The following ADGRL2 variants were observed in gnomAD, a reference collection of about 807,000 sequenced individuals.
ADGRL2 encodes adhesion G protein-coupled receptor L2, also known as calcium-independent alpha-latrotoxin receptor 2.
Under a neutral mutation model 157.4 loss-of-function variants are expected in ADGRL2, and 44 were observed. The ratio of observed to expected loss-of-function variants is 0.28; its 90% CI spans 0.22 to 0.36. ADGRL2 has a LOEUF of 0.36. Ranked by LOEUF, ADGRL2 falls within the 10% of genes least tolerant of loss-of-function variation. The pLI is 1.00. For missense variants in ADGRL2, 1,510 were observed against 1,768.9 expected (o/e 0.85, Z 2.63); for synonymous variants, 585 against 624.7 (o/e 0.94, Z 0.95).
intron 2 of ADGRL2, among the ~76,000 whole-genome samples, chr1:81,515,606 A>G (rs1279127365): frequency 1.3e-5 from 2 of 152,130 alleles, no homozygotes; most frequent in Non-Finnish European, 2.9e-5. Flanking sequence ...TCTTGTTTTC[A>G]GTGTTTCTTC....
intron 3 of ADGRL2, among the ~76,000 whole-genome samples, chr1:81,915,766 C>A (rs181560379): frequency 6.6e-6 from 1 of 152,186 alleles, no homozygotes; most frequent in South Asian, 2.1e-4. Flanking sequence ...GAAACCAAAG[C>A]GGAGAGATGA....
At chr1:81,971,770 T>G (rs1658826695) in intron 16 of ADGRL2, 82 bp from the exon 17 acceptor site, 30 of 729,938 alleles carry the variant, frequency 4.1e-5, no homozygotes, top group South Asian at 4.1e-4. Context: ...TTTTGTCTGT[T>G]AGGTTTTTAA....
At chr1:81,683,186 A>G (rs554962935) in intron 3 of ADGRL2, among the ~76,000 whole-genome samples, 41 of 152,368 alleles carry the variant, frequency 2.7e-4, no homozygotes, top group African/African-American at 9.4e-4. Flanking sequence ...CTGAATAGAC[A>G]TGAATGTGCA....
intron 1 of ADGRL2, among the ~76,000 whole-genome samples, chr1:81,716,775 A>T (rs2084131332): frequency 6.6e-6 from 1 of 152,200 alleles, no homozygotes; most frequent in African/African-American, 2.4e-5. Flanking sequence ...TATGGACAGA[A>T]GGTAAATTAC....
intron 1 of ADGRL2, among the ~76,000 whole-genome samples, chr1:81,432,276 C>A (rs972888284): frequency 6.6e-6 from 1 of 152,138 alleles, no homozygotes; most frequent in African/African-American, 2.4e-5. Flanking sequence ...AACAATAGGG[C>A]GATTGTCAGC....
chr1:81,487,840 G>T (rs531876829), intron 2 of ADGRL2, among the ~76,000 whole-genome samples: 1 of 152,252 alleles, frequency 6.6e-6, no homozygotes, highest in Non-Finnish European at 1.5e-5. Context: ...ATATATACAA[G>T]TATGTCAGTC....
chr1:81,364,163 G>T (rs1021935829), intron 1 of ADGRL2, among the ~76,000 whole-genome samples: 5 of 151,870 alleles, frequency 3.3e-5, no homozygotes, highest in African/African-American at 1.2e-4. Flanking sequence ...AATTGGGAGA[G>T]GAATTTTTGA....
chr1:81,907,253 CCCATTTGAGCTATTGTAT>C (rs1557886488), intron 3 of ADGRL2, 23 bp downstream of exon 3: 1 of 1,574,648 alleles, frequency 6.4e-7, no homozygotes, highest in East Asian at 2.2e-5. Context: ...GTGTTAATGT[CCCATTTGAGCTATTGTAT>C]CCAAATTAGA....
chr1:81,805,176 A>G (rs1426288297), intron 1 of ADGRL2, among the ~76,000 whole-genome samples: 1 of 152,146 alleles, frequency 6.6e-6, no homozygotes, highest in African/African-American at 2.4e-5. Context: ...GTTTACAGAG[A>G]GAACATATCT....
chr1:81,329,565 G>A (rs1661132885), intron 1 of ADGRL2, among the ~76,000 whole-genome samples: 1 of 152,176 alleles, frequency 6.6e-6, no homozygotes, highest in South Asian at 2.1e-4. Context: ...AAAGCTAAAC[G>A]GGTATTCTGT....
intron 1 of ADGRL2, among the ~76,000 whole-genome samples, chr1:81,731,112 C>G (rs189546442): frequency 3.3e-5 from 5 of 152,114 alleles, no homozygotes; most frequent in Non-Finnish European, 7.3e-5. Flanking sequence ...AATAATTTGA[C>G]GTCAGGAAGC....
chr1:81,583,373 C>A (rs1322888111), intron 3 of ADGRL2, among the ~76,000 whole-genome samples: 1 of 151,954 alleles, frequency 6.6e-6, no homozygotes, highest in Non-Finnish European at 1.5e-5. Flanking sequence ...CTTTAGGGAA[C>A]TGATGTACAA....
intron 3 of ADGRL2, among the ~76,000 whole-genome samples, chr1:81,932,717 G>T (rs1222548639): frequency 6.6e-6 from 1 of 151,776 alleles, no homozygotes; most frequent in Non-Finnish European, 1.5e-5. Flanking sequence ...TTTTTTGACG[G>T]AGTTTCACTC....
intron 3 of ADGRL2, among the ~76,000 whole-genome samples, chr1:81,694,753 G>C (rs1039500362): frequency 2.6e-5 from 4 of 152,068 alleles, no homozygotes. Context: ...CCATTGTAAT[G>C]AATTACTGTA....
intron 3 of ADGRL2, among the ~76,000 whole-genome samples, chr1:81,691,626 G>A (rs779668858): frequency 4.6e-5 from 7 of 151,862 alleles, no homozygotes; most frequent in Admixed American, 3.9e-4. Context: ...AGCCTCTCGA[G>A]TAGCTGGGAT....
intron 2 of ADGRL2, among the ~76,000 whole-genome samples, chr1:81,864,790 C>T (rs1274264198): frequency 3.9e-5 from 6 of 152,086 alleles, no homozygotes; most frequent in Admixed American, 3.3e-4. Context: ...GGCGAAACCC[C>T]ATTTCTACTA....
At chr1:81,443,668 G>C (rs1184643171) in intron 1 of ADGRL2, among the ~76,000 whole-genome samples, 1 of 152,198 alleles carries the variant, frequency 6.6e-6, no homozygotes, top group Non-Finnish European at 1.5e-5. Context: ...CAGGAGCGTA[G>C]TAATTAGTCA....
At chr1:81,322,093 T>TATATATATATATATACAC (rs1660546692) in intron 1 of ADGRL2, among the ~76,000 whole-genome samples, 1 of 117,086 alleles carries the variant, frequency 8.5e-6, no homozygotes, top group Admixed American at 9.5e-5. Flanking sequence ...AATTCATATA[T>TATATATATATATATACAC]ATATATATAT....
At chr1:81,692,518 G>A (rs1290535810) in intron 3 of ADGRL2, among the ~76,000 whole-genome samples, 1 of 152,056 alleles carries the variant, frequency 6.6e-6, no homozygotes, top group Non-Finnish European at 1.5e-5. Context: ...TTAGAATAAA[G>A]TAAAAAGAAA....
Sources: gnomAD v4.1 joint callset for allele counts (sites outside exome capture counted in the v4.1 genomes callset) on GRCh38, gnomAD v4.1.1 for gene constraint, MANE v1.5 for transcripts, NCBI Gene and HGNC (gene_info 2026-07-23, HGNC 2026-07-21) for gene names.